SPOP: variants seen among roughly 807,000 people sequenced by gnomAD.
SPOP encodes the protein speckle-type POZ protein.
A neutral mutation model predicts 45.6 loss-of-function variants in SPOP; 11 were observed. The ratio of observed to expected loss-of-function variants is 0.24; its 90% CI spans 0.15 to 0.40. The LOEUF is 0.40. SPOP is among the 10% of genes least tolerant of loss of function. The probability of loss-of-function intolerance (pLI) is 1.00; values close to 1 mark genes in which losing one functional copy is unlikely to be tolerated. For synonymous variants in SPOP, 166 were observed against 166.3 expected (o/e 1.00, Z 0.01); for missense variants, 152 against 465.6 (o/e 0.33, Z 6.20).
intron 1 of SPOP, among the ~76,000 whole-genome samples, chr17:49,662,046 T>C (rs1435890451): frequency 6.6e-6 from 1 of 151,556 alleles, no homozygotes; most frequent in African/African-American, 2.4e-5. Context: ...ATTTAAATTT[T>C]TGGGGGTAGG....
chr17:49,619,238 A>G lies in SPOP; in HGVS notation c.348T>C (p.Ala116=). Residue 116 remains alanine, a synonymous_variant, in exon 4 of 10, where the codon GCT becomes GCC. Coordinates refer to ENST00000504102, the MANE Select transcript of SPOP (RefSeq NM_001007228.2). This position sits in a 1 kb window ranked among gnomAD's most constrained non-coding sequence, Gnocchi z 4.9. ...ILNAKGEETK[A]MESQRAYRFV... ...AACAAAGAGGAGAACATTTACCCAT[A>G]GCTTTGGTTTCTTCTCCCTTGGCAT... 1 of 1,614,190 alleles carries G rather than the reference A, an allele frequency of 6.2e-7. No individual in the cohort carries two copies. The highest frequency in any genetic ancestry group is 8.5e-7 in the Non-Finnish European group (1 of 1,180,028).
At chr17:49,608,033 A>AGCAG in intron 6 of SPOP, 104 bp from the exon 7 acceptor site, 8 of 937,842 alleles carry the variant, frequency 8.5e-6, no homozygotes, top group Non-Finnish European at 1.3e-5. Flanking sequence ...TCCTACTGCT[A>AGCAG]TAGGAAAGGT....
At chr17:49,654,074 C>A (rs1020304770) in intron 1 of SPOP, among the ~76,000 whole-genome samples, 1 of 152,126 alleles carries the variant, frequency 6.6e-6, no homozygotes, top group Non-Finnish European at 1.5e-5. Flanking sequence ...TATAATCTGG[C>A]CTCTTTCACC....
At chr17:49,660,772 G>T (rs921575542) in intron 1 of SPOP, among the ~76,000 whole-genome samples, 1 of 152,100 alleles carries the variant, frequency 6.6e-6, no homozygotes, top group Non-Finnish European at 1.5e-5. Flanking sequence ...AAACCATCCT[G>T]GCTAACAGGG....
chr17:49,615,490 CTATTTATT>C (rs532797342), intron 5 of SPOP, among the ~76,000 whole-genome samples: 1 of 151,816 alleles, frequency 6.6e-6, no homozygotes, highest in African/African-American at 2.4e-5. Context: ...CTTCATGTCT[CTATTTATT>C]TATTTATTTA....
intron 1 of SPOP, among the ~76,000 whole-genome samples, chr17:49,638,953 T>C (rs763931415): frequency 3.9e-5 from 6 of 152,122 alleles, no homozygotes; most frequent in Non-Finnish European, 7.4e-5. Flanking sequence ...GTGGCAGTTG[T>C]AGTGAGCAGA....
At chr17:49,641,492 T>C (rs2072649726) in intron 1 of SPOP, among the ~76,000 whole-genome samples, 1 of 151,820 alleles carries the variant, frequency 6.6e-6, no homozygotes, top group Non-Finnish European at 1.5e-5. Context: ...CAAATACTTA[T>C]TTAATAAATG....
intron 1 of SPOP, among the ~76,000 whole-genome samples, chr17:49,652,738 G>A (rs1315425161): frequency 6.6e-6 from 1 of 152,150 alleles, no homozygotes; most frequent in Non-Finnish European, 1.5e-5. Context: ...AGTCAGCTAG[G>A]AATTCAAATC....
At chr17:49,674,262 T>C (rs778638726) in intron 1 of SPOP, among the ~76,000 whole-genome samples, 2 of 152,252 alleles carry the variant, frequency 1.3e-5, no homozygotes, top group Non-Finnish European at 2.9e-5. Context: ...CTTTTTAGAA[T>C]AGTTTGAGTA....
At chr17:49,606,569 C>T (rs963754295) in intron 8 of SPOP, among the ~76,000 whole-genome samples, 3 of 139,214 alleles carry the variant, frequency 2.2e-5, no homozygotes, top group Admixed American at 1.6e-4. Context: ...TCTCAGCTCA[C>T]TGCAAACTCT....
chr17:49,647,306 G>A (rs1398218957), intron 1 of SPOP, among the ~76,000 whole-genome samples: 6 of 100,418 alleles, frequency 6.0e-5, no homozygotes, highest in African/African-American at 1.7e-4. Flanking sequence ...TGAGTGAGAT[G>A]CCGTCTTAAA....
intron 1 of SPOP, among the ~76,000 whole-genome samples, chr17:49,640,660 C>T (rs976019481): frequency 6.6e-6 from 1 of 152,158 alleles, no homozygotes; most frequent in Admixed American, 6.5e-5. Flanking sequence ...TCTGATGGAA[C>T]CTCCAGTAAA....
At chr17:49,646,942 T>C (rs913290641) in intron 1 of SPOP, among the ~76,000 whole-genome samples, 3 of 152,128 alleles carry the variant, frequency 2.0e-5, no homozygotes, top group African/African-American at 4.8e-5. Flanking sequence ...AAGATACTTA[T>C]ATTCTCTAGC....
intron 1 of SPOP, among the ~76,000 whole-genome samples, chr17:49,624,205 C>G (rs916394696): frequency 2.6e-5 from 4 of 151,976 alleles, no homozygotes; most frequent in African/African-American, 4.8e-5. Context: ...ATGAATTCAT[C>G]TAGAGATCTA....
intron 1 of SPOP, among the ~76,000 whole-genome samples, chr17:49,665,135 T>C (rs1274298885): frequency 6.6e-6 from 1 of 152,144 alleles, no homozygotes; most frequent in African/African-American, 2.4e-5. Context: ...TAAGGTTCCC[T>C]TCCATTTGAA....
chr17:49,643,092 A>G (rs2143447700), intron 1 of SPOP, among the ~76,000 whole-genome samples: 1 of 152,386 alleles, frequency 6.6e-6, no homozygotes, highest in African/African-American at 2.4e-5. Flanking sequence ...GTTGTCTTAA[A>G]AAAAATTCAG....
At chr17:49,658,123 T>C (rs1291206922) in intron 1 of SPOP, among the ~76,000 whole-genome samples, 4 of 152,182 alleles carry the variant, frequency 2.6e-5, no homozygotes, top group African/African-American at 9.7e-5. Context: ...AAGTTATTTT[T>C]TTACTGGCAT....
intron 6 of SPOP, among the ~76,000 whole-genome samples, chr17:49,608,464 A>G (rs576515984): frequency 2.6e-5 from 4 of 152,162 alleles, no homozygotes; most frequent in South Asian, 2.1e-4. Flanking sequence ...TATTGCCCCA[A>G]AGAGGTGGGG....
intron 1 of SPOP, among the ~76,000 whole-genome samples, chr17:49,637,418 T>C (rs949609364): frequency 2.6e-5 from 4 of 152,050 alleles, no homozygotes; most frequent in African/African-American, 9.7e-5. Context: ...TGGAGCGATC[T>C]CAGCCCACTG....
Sources: allele counts gnomAD v4.1 joint callset (sites outside exome capture counted in the v4.1 genomes callset), GRCh38; gene constraint gnomAD v4.1.1; non-coding constraint Gnocchi (gnomAD v3.1); transcripts MANE v1.5; gene names NCBI Gene and HGNC (gene_info 2026-07-23, HGNC 2026-07-21).